Variants in SLC4A10 observed in about 807,000 individuals in gnomAD.
The protein encoded by SLC4A10 is solute carrier family 4 member 10, also known as sodium-driven chloride bicarbonate exchanger.
A neutral mutation model predicts 137.7 loss-of-function variants in SLC4A10; 42 were observed. That is an observed-to-expected ratio of 0.30 (90% CI 0.24 to 0.39). The LOEUF is 0.39. Ranked by LOEUF, SLC4A10 falls within the 10% of genes least tolerant of loss-of-function variation. SLC4A10 has a pLI of 1.00. For missense variants in SLC4A10, 925 were observed against 1,355.0 expected (o/e 0.68, Z 4.98); for synonymous variants, 474 against 464.1 (o/e 1.02, Z -0.27).
chr2:161,955,932 T>C (rs1695578763), intron 19 of SLC4A10, among the ~76,000 whole-genome samples: 1 of 152,190 alleles, frequency 6.6e-6, no homozygotes, highest in African/African-American at 2.4e-5. Context: ...GATGCGTATT[T>C]TATTTTCAAA....
At chr2:161,706,320 T>C (rs2043657384) in intron 1 of SLC4A10, among the ~76,000 whole-genome samples, 3 of 151,688 alleles carry the variant, frequency 2.0e-5, no homozygotes, top group South Asian at 4.1e-4. Flanking sequence ...TCAATTTTCT[T>C]ATTTTTCATT....
intron 2 of SLC4A10, among the ~76,000 whole-genome samples, chr2:161,796,970 G>A (rs1344229440): frequency 6.6e-6 from 1 of 152,004 alleles, no homozygotes; most frequent in African/African-American, 2.4e-5. Flanking sequence ...AAAGTGACAG[G>A]TCTGTTCAGA....
chr2:161,648,626 T>C (rs1451919650), intron 1 of SLC4A10, among the ~76,000 whole-genome samples: 1 of 152,240 alleles, frequency 6.6e-6, no homozygotes, highest in African/African-American at 2.4e-5. Flanking sequence ...TCCTCCAATT[T>C]TCCCAGAATT....
chr2:161,635,577 T>C lies in SLC4A10; in HGVS notation c.48+11011T>C, dbSNP rs2034277429. ...CTTCAGGATCATTCTGGTAAAGCCA[T>C]GTTTCATCTCTTTTGCAATTCATCA... On this transcript the variant is annotated intron_variant, in intron 1 of 26. Transcript: ENST00000446997. 2.0e-5 allele frequency among the ~76,000 whole-genome samples: 3 copies of C among 152,178 alleles called. No homozygotes were observed. The South Asian group carries it at 6.2e-4, about 32-fold the overall frequency.
intron 1 of SLC4A10, chr2:161,708,573 A>T: frequency 9.9e-7 from 1 of 1,013,838 alleles, no homozygotes; most frequent in Non-Finnish European, 1.4e-6. Context: ...AGTCTCTCTT[A>T]GTATGGGGTG....
At chr2:161,865,713 G>T (rs570981168) in intron 6 of SLC4A10, among the ~76,000 whole-genome samples, 2 of 151,928 alleles carry the variant, frequency 1.3e-5, no homozygotes, top group East Asian at 3.9e-4. Context: ...AAGTACAAAA[G>T]ACCTTTACTG....
At chr2:161,787,481 A>G (rs1175492062) in intron 2 of SLC4A10, among the ~76,000 whole-genome samples, 2 of 152,122 alleles carry the variant, frequency 1.3e-5, no homozygotes, top group Non-Finnish European at 2.9e-5. Flanking sequence ...AAGATCAGGG[A>G]AATTTTTCTG....
chr2:161,981,374 C>G (rs910171141), intron 26 of SLC4A10, among the ~76,000 whole-genome samples: 3 of 152,188 alleles, frequency 2.0e-5, no homozygotes, highest in Admixed American at 6.5e-5. Context: ...GGAATACCAG[C>G]CTCAGAATTC....
chr2:161,846,902 G>A (rs2059531697), intron 4 of SLC4A10, among the ~76,000 whole-genome samples: 1 of 151,988 alleles, frequency 6.6e-6, no homozygotes, highest in Admixed American at 6.6e-5. Context: ...TGTTGATTGT[G>A]GTAGAGGTTA....
intron 1 of SLC4A10, among the ~76,000 whole-genome samples, chr2:161,770,759 T>TA (rs2051489517): frequency 6.6e-6 from 1 of 151,912 alleles, no homozygotes; most frequent in Non-Finnish European, 1.5e-5. Context: ...TCCAATGTTA[T>TA]AAAAAACCAG....
chr2:161,941,492 A>G (rs553113754), intron 15 of SLC4A10, among the ~76,000 whole-genome samples: 3 of 152,164 alleles, frequency 2.0e-5, no homozygotes, highest in Non-Finnish European at 4.4e-5. Context: ...CATATGTCCC[A>G]TGTTCACTTT....
chr2:161,742,859 C>T (rs1415908232), intron 1 of SLC4A10, among the ~76,000 whole-genome samples: 2 of 152,126 alleles, frequency 1.3e-5, no homozygotes, highest in Non-Finnish European at 2.9e-5. Flanking sequence ...TTGCATTTTT[C>T]TGATAATCAG....
chr2:161,820,646 G>C (rs139966345), intron 3 of SLC4A10, among the ~76,000 whole-genome samples: 2 of 152,258 alleles, frequency 1.3e-5, no homozygotes, highest in African/African-American at 4.8e-5. Flanking sequence ...TTATTGTATA[G>C]TATGTTAATG....
At chr2:161,827,809 C>T (rs559259879) in intron 3 of SLC4A10, among the ~76,000 whole-genome samples, 13 of 152,306 alleles carry the variant, frequency 8.5e-5, no homozygotes, top group African/African-American at 3.1e-4. Context: ...TCGTGATCCG[C>T]CCTTCTCGGC....
intron 1 of SLC4A10, among the ~76,000 whole-genome samples, chr2:161,711,337 A>G (rs1190352967): frequency 6.6e-6 from 1 of 151,744 alleles, no homozygotes; most frequent in Non-Finnish European, 1.5e-5. Flanking sequence ...AGGGGTTTTG[A>G]CTTTATAGGG....
intron 10 of SLC4A10, 115 bp from the exon 11 acceptor site, chr2:161,894,561 TGTC>T: frequency 2.4e-6 from 1 of 420,884 alleles, no homozygotes. Flanking sequence ...GAGTCAGAGC[TGTC>T]TATTTCTTCA....
At chr2:161,793,675 T>C (rs962058958) in intron 2 of SLC4A10, among the ~76,000 whole-genome samples, 1 of 152,184 alleles carries the variant, frequency 6.6e-6, no homozygotes, top group Non-Finnish European at 1.5e-5. Flanking sequence ...ATTGAAATCA[T>C]TATTAGCAGA....
chr2:161,824,312 C>G (rs913605715), intron 3 of SLC4A10, among the ~76,000 whole-genome samples: 1 of 152,146 alleles, frequency 6.6e-6, no homozygotes, highest in African/African-American at 2.4e-5. Flanking sequence ...TCATGAAACT[C>G]TAGATGGATT....
intron 1 of SLC4A10, among the ~76,000 whole-genome samples, chr2:161,721,540 C>T (rs1043702605): frequency 6.6e-6 from 1 of 152,190 alleles, no homozygotes; most frequent in Non-Finnish European, 1.5e-5. Flanking sequence ...TATAGGGTTT[C>T]CACTGAGATG....
Sources: allele counts gnomAD v4.1 joint callset (sites outside exome capture counted in the v4.1 genomes callset), GRCh38; gene constraint gnomAD v4.1.1; transcripts MANE v1.5; gene names NCBI Gene and HGNC (gene_info 2026-07-23, HGNC 2026-07-21).